Variants in PDE8A observed in about 807,000 individuals in gnomAD.
PDE8A encodes the protein phosphodiesterase 8A, also known as high affinity cAMP-specific and IBMX-insensitive 3',5'-cyclic phosphodiesterase 8A.
Under a neutral mutation model 105.0 loss-of-function variants are expected in PDE8A, and 59 were observed. That is an observed-to-expected ratio of 0.56 (90% confidence interval 0.46 to 0.70). PDE8A has a LOEUF of 0.70. Ranked by LOEUF, PDE8A falls within the 30% of genes least tolerant of loss-of-function variation. PDE8A has a pLI of 0.00. For synonymous variants in PDE8A, 355 were observed against 371.9 expected, an observed-to-expected ratio of 0.95 and a Z score of 0.52; for missense variants, 1,014 against 1,045.9, an observed-to-expected ratio of 0.97 and a Z score of 0.42.
intron 1 of PDE8A, among the ~76,000 whole-genome samples, chr15:85,013,579 A>G (rs2080274766): frequency 6.6e-6 from 1 of 152,204 alleles, no homozygotes. Flanking sequence ...AGTATTTTGA[A>G]ATATTTTATT....
rs201634002 is a variant in PDE8A at position 85,019,943 on chromosome 15, G to GTT, written c.186+37621_186+37622dup. Reference sequence around the variant, plus strand: ...AGAACTTTGGGGGAGTTTTTTTTTGGTTTTTTTTTTTTTTTTTTTTTTTTT... The same window carrying GTT: ...AGAACTTTGGGGGAGTTTTTTTTTGGTTTTTTTTTTTTTTTTTTTTTTTTTTT... On this transcript the variant is annotated intron_variant, in intron 1 of 21. Transcript: ENST00000394553. 5.3e-3 allele frequency among the ~76,000 whole-genome samples: 343 copies of GTT among 64,768 alleles called. 14 individuals carry two copies. Among genetic ancestry groups the GTT allele is most frequent in the African/African-American group, 0.011 (174 of 15,766 alleles). 42.5% of individuals were successfully genotyped at this position (64,768 alleles called of 152,430 possible).
intron 1 of PDE8A, among the ~76,000 whole-genome samples, chr15:85,033,758 G>A (rs924799691): frequency 2.0e-5 from 3 of 152,224 alleles, no homozygotes; most frequent in Admixed American, 6.5e-5. Flanking sequence ...CCAGCTGTTC[G>A]GGAGGCTGAG....
At chr15:85,068,121 A>G (rs183273186) in intron 3 of PDE8A, among the ~76,000 whole-genome samples, 119 of 151,892 alleles carry the variant, frequency 7.8e-4, no homozygotes, top group African/African-American at 2.8e-3. Flanking sequence ...GCTCACTGCA[A>G]CCTCCACCTC....
intron 1 of PDE8A, among the ~76,000 whole-genome samples, chr15:85,004,457 C>T (rs1282108141): frequency 1.3e-5 from 2 of 152,168 alleles, no homozygotes; most frequent in African/African-American, 2.4e-5. Context: ...GAGGACAAAG[C>T]CAACTCCTGG....
chr15:85,106,837 A>G (rs1006924999), intron 11 of PDE8A, among the ~76,000 whole-genome samples: 12 of 152,212 alleles, frequency 7.9e-5, no homozygotes, highest in Admixed American at 2.6e-4. Context: ...GATTTTGAGC[A>G]GGGGAGCCAC....
chr15:85,033,567 T>C (rs557270520), intron 1 of PDE8A, among the ~76,000 whole-genome samples: 2 of 152,206 alleles, frequency 1.3e-5, no homozygotes, highest in African/African-American at 4.8e-5. Context: ...AAATGAATCT[T>C]CAAATAGCTG....
chr15:85,061,163 T>G (rs1398198813), intron 1 of PDE8A, among the ~76,000 whole-genome samples: 1 of 152,096 alleles, frequency 6.6e-6, no homozygotes, highest in African/African-American at 2.4e-5. Context: ...ATTGATAATC[T>G]TATTGAGGAT....
chr15:85,066,578 C>T (rs1294221741), intron 2 of PDE8A, among the ~76,000 whole-genome samples: 4 of 126,788 alleles, frequency 3.2e-5, no homozygotes, highest in Non-Finnish European at 5.0e-5. Flanking sequence ...CCACCATCCC[C>T]CCAAAACACA....
intron 1 of PDE8A, among the ~76,000 whole-genome samples, chr15:84,989,925 A>G (rs1403516036): frequency 6.6e-6 from 1 of 152,128 alleles, no homozygotes; most frequent in Non-Finnish European, 1.5e-5. Context: ...AGTTTTCTAT[A>G]TTTGTCTTAT....
chr15:85,043,150 T>C (rs1315038025), intron 1 of PDE8A, among the ~76,000 whole-genome samples: 1 of 152,214 alleles, frequency 6.6e-6, no homozygotes, highest in Non-Finnish European at 1.5e-5. Flanking sequence ...TAAATATTCC[T>C]GAAATAGATT....
chr15:85,129,250 G>A (rs537845015), intron 20 of PDE8A, among the ~76,000 whole-genome samples: 1 of 152,192 alleles, frequency 6.6e-6, no homozygotes, highest in Admixed American at 6.5e-5. Flanking sequence ...TTAGGATAAT[G>A]CTGGCCTCAT....
chr15:84,981,314 C>G (rs1414449922), upstream of PDE8A, among the ~76,000 whole-genome samples: 1 of 152,232 alleles, frequency 6.6e-6, no homozygotes, highest in African/African-American at 2.4e-5. Flanking sequence ...TGCATTGACG[C>G]CAGCACCCGC....
intron 1 of PDE8A, among the ~76,000 whole-genome samples, chr15:85,026,845 T>C (rs1040430745): frequency 1.3e-5 from 2 of 152,174 alleles, no homozygotes; most frequent in Non-Finnish European, 2.9e-5. Context: ...GAGTGCCTCA[T>C]GTAGTCAAAA....
intron 1 of PDE8A, among the ~76,000 whole-genome samples, chr15:85,022,673 G>A (rs973388292): frequency 1.3e-5 from 2 of 151,206 alleles, no homozygotes; most frequent in African/African-American, 2.4e-5. Context: ...CCCAGCCTCC[G>A]GAGTAGCTGG....
At chr15:85,070,375 A>G (rs1404378426) in intron 3 of PDE8A, among the ~76,000 whole-genome samples, 1 of 152,214 alleles carries the variant, frequency 6.6e-6, no homozygotes, top group African/African-American at 2.4e-5. Flanking sequence ...TACTAGAGCT[A>G]CATAGATGAG....
chr15:85,106,797 A>T (rs961393225), intron 11 of PDE8A, among the ~76,000 whole-genome samples: 2 of 152,236 alleles, frequency 1.3e-5, no homozygotes, highest in Non-Finnish European at 2.9e-5. Context: ...CTTGAATGCC[A>T]GGAAGTTCTT....
chr15:85,108,227 G>A (rs2141587332), intron 11 of PDE8A, among the ~76,000 whole-genome samples: 1 of 152,328 alleles, frequency 6.6e-6, no homozygotes, highest in Admixed American at 6.5e-5. Context: ...GAAGTGCTAA[G>A]GGCCTACATT....
intron 1 of PDE8A, among the ~76,000 whole-genome samples, chr15:84,984,098 A>G (rs1331429404): frequency 2.0e-5 from 3 of 152,238 alleles, no homozygotes; most frequent in Admixed American, 6.5e-5. Context: ...TTGTTAACTG[A>G]TTGATGAAAC....
intron 20 of PDE8A, among the ~76,000 whole-genome samples, chr15:85,134,136 C>G (rs1421839656): frequency 6.6e-6 from 1 of 152,146 alleles, no homozygotes; most frequent in Non-Finnish European, 1.5e-5. Context: ...CACATTGGGC[C>G]AAAGAGAAGA....
Sources: gnomAD v4.1 joint callset for allele counts (sites outside exome capture counted in the v4.1 genomes callset) on GRCh38, gnomAD v4.1.1 for gene constraint, MANE v1.5 for transcripts, NCBI Gene and HGNC (gene_info 2026-07-23, HGNC 2026-07-21) for gene names.